Variants in PATJ observed in about 807,000 individuals in gnomAD.
PATJ encodes the protein inaD-like protein.
Under a neutral mutation model 224.9 loss-of-function variants are expected in PATJ, and 190 were observed. That is an observed-to-expected ratio of 0.84 (90% CI 0.75 to 0.95). The LOEUF is 0.95. PATJ is among the 40% of genes least tolerant of loss of function. The pLI is 0.00. For synonymous variants in PATJ, 769 were observed against 820.3 expected (o/e 0.94, Z 1.07); for missense variants, 2,121 against 2,270.3 (o/e 0.93, Z 1.34).
intron 27 of PATJ, among the ~76,000 whole-genome samples, chr1:61,941,754 C>T (rs1274982834): frequency 6.6e-6 from 1 of 152,116 alleles, no homozygotes; most frequent in African/African-American, 2.4e-5. Context: ...AATATAAAAA[C>T]TTACAGCTTT....
intron 30 of PATJ, among the ~76,000 whole-genome samples, chr1:62,041,203 T>G (rs1022720586): frequency 1.2e-4 from 18 of 152,210 alleles, no homozygotes; most frequent in African/African-American, 4.1e-4. Context: ...TGTGTTACCT[T>G]CAGGGGTTAA....
chr1:61,874,945 T>G (rs1319160494), intron 20 of PATJ, among the ~76,000 whole-genome samples: 3 of 152,258 alleles, frequency 2.0e-5, no homozygotes, highest in Non-Finnish European at 4.4e-5. Flanking sequence ...CTTGACTTGA[T>G]AGATCTTTTA....
At chr1:61,744,273 G>C (rs1644907567) in intron 1 of PATJ, among the ~76,000 whole-genome samples, 1 of 48,940 alleles carries the variant, frequency 2.0e-5, no homozygotes, top group Non-Finnish European at 3.6e-5. Flanking sequence ...GACAGAGCAA[G>C]AACCCTGTCT....
At chr1:61,846,253 T>C (rs1473936017) in intron 17 of PATJ, 1 of 152,194 alleles carries the variant, frequency 6.6e-6, no homozygotes, top group Admixed American at 6.5e-5. Flanking sequence ...GTTATTTCCA[T>C]TTACAAATGA....
At chr1:61,837,459 G>A (rs1660356027) in intron 17 of PATJ, among the ~76,000 whole-genome samples, 1 of 152,084 alleles carries the variant, frequency 6.6e-6, no homozygotes, top group African/African-American at 2.4e-5. Context: ...TGGATTATTG[G>A]CCAGAAGTTT....
chr1:61,832,434 G>A (rs1659506339), intron 16 of PATJ, among the ~76,000 whole-genome samples: 1 of 151,926 alleles, frequency 6.6e-6, no homozygotes, highest in Non-Finnish European at 1.5e-5. Context: ...ACATTAAATT[G>A]CTTCTCTTAT....
Position 61,864,339 on chromosome 1 carries a change from C to T in PATJ, c.2541C>T (p.Ser847=), listed in dbSNP as rs139134153. ...CCCAACAAAAAGAGATAGAGCAAAGCAAGGAGGCCTGGGAGATGCATGAAT... is the reference window on the plus strand; with the variant it reads ...CCCAACAAAAAGAGATAGAGCAAAGTAAGGAGGCCTGGGAGATGCATGAAT... ...FHSQQKEIEQ[S]KEAWEMHEFL... Residue 847 remains serine, a synonymous_variant, in exon 20 of 44, where the codon AGC becomes AGT. Coordinates refer to ENST00000642238, the MANE Select transcript of PATJ (RefSeq NM_001350145.3). 71 of 1,614,032 alleles carry T rather than the reference C, an allele frequency of 4.4e-5. No homozygotes were observed. The African/African-American group carries it at 8.9e-4, about 20-fold the overall frequency.
At chr1:62,022,576 G>A (rs1647148014) in intron 29 of PATJ, among the ~76,000 whole-genome samples, 1 of 152,174 alleles carries the variant, frequency 6.6e-6, no homozygotes, top group Non-Finnish European at 1.5e-5. Flanking sequence ...ATGAATTGCT[G>A]TATTTGGCAG....
At chr1:62,112,996 T>A (rs1174904663) in intron 34 of PATJ, among the ~76,000 whole-genome samples, 1 of 152,172 alleles carries the variant, frequency 6.6e-6, no homozygotes, top group African/African-American at 2.4e-5. Context: ...CTATGAATGG[T>A]GATAATAACA....
chr1:61,998,008 A>AATATAT (rs1645501649), intron 28 of PATJ, among the ~76,000 whole-genome samples: 1 of 119,510 alleles, frequency 8.4e-6, no homozygotes, highest in Admixed American at 9.6e-5. Context: ...AATATATTAT[A>AATATAT]TATATTAATT....
At chr1:62,142,114 G>A (rs11207909) in intron 41 of PATJ, among the ~76,000 whole-genome samples, 43,273 of 151,868 alleles carry the variant, frequency 0.28, 7,634 homozygotes, top group East Asian at 0.65. Context: ...CTTGGCATTT[G>A]ACGATACCTT....
rs373025057 is a variant in PATJ, at chr1:61,991,739, A to G, written c.3867+1375A>G. ...CGTAACACTGACTAGCATAATCATTACATAAATAAAGTCAAAGATGACCTT... is the reference window on the plus strand; with the variant it reads ...CGTAACACTGACTAGCATAATCATTGCATAAATAAAGTCAAAGATGACCTT... On this transcript the variant is annotated intron_variant, in intron 28 of 43. Coordinates refer to ENST00000642238, the MANE Select transcript of PATJ (RefSeq NM_001350145.3). 41 of 984,132 alleles carry G rather than the reference A, an allele frequency of 4.2e-5. No homozygotes were observed. The East Asian group carries it at 3.2e-3, about 76-fold the overall frequency. 61.0% of individuals were successfully genotyped at this position (984,132 alleles called of 1,614,324 possible). A position where few individuals can be genotyped will look rare whatever the true frequency, so the allele number is the denominator to read the frequency against.
chr1:62,138,303 C>A lies in PATJ; in HGVS notation c.5271+9358C>A, dbSNP rs111701099. On this transcript the variant is annotated intron_variant, in intron 41 of 43. Transcript: ENST00000642238. The stretch of plus-strand genomic sequence containing the variant: ...AGCACTGTGCCTAACAAGAAGGAGC[C>A]TAAGTTTTCTGTTTGTTTGTTTGAG... Among the ~76,000 whole-genome samples, 428 of 151,974 alleles carry A rather than the reference C, an allele frequency of 2.8e-3. 5 individuals are homozygous for A. The highest frequency in any genetic ancestry group is 9.8e-3 in the African/African-American group (408 of 41,480).
intron 33 of PATJ, among the ~76,000 whole-genome samples, chr1:62,085,939 A>ATATT (rs1431937720): frequency 3.3e-5 from 5 of 151,558 alleles, no homozygotes; most frequent in Non-Finnish European, 7.4e-5. Context: ...TCGGTGTAGA[A>ATATT]TATTAGTGTT....
intron 27 of PATJ, among the ~76,000 whole-genome samples, chr1:61,945,868 C>G (rs557922055): frequency 2.0e-5 from 3 of 152,340 alleles, no homozygotes; most frequent in Admixed American, 6.5e-5. Flanking sequence ...CAAACTGTCT[C>G]TCAGACCACA....
intron 27 of PATJ, among the ~76,000 whole-genome samples, chr1:61,940,721 CAA>C (rs547927537): frequency 4.0e-5 from 4 of 98,888 alleles, no homozygotes; most frequent in Non-Finnish European, 4.9e-5. Flanking sequence ...TCTCAAAAAA[CAA>C]AAAAAAAAAA....
In PATJ at chr1:62,121,253, G is replaced by A. The variant is rs778801760; in HGVS notation, c.4963G>A (p.Val1655Ile). ...TGTCATCACTGGCCTGCAAAACCTGGTTGGCACAAAAAGAGTTTCAGATCC... is the reference window on the plus strand; with the variant it reads ...TGTCATCACTGGCCTGCAAAACCTGATTGGCACAAAAAGAGTTTCAGATCC... ...APVITGLQNLVGTKRVSDPSQ... is the reference protein window; with the variant it reads ...APVITGLQNLIGTKRVSDPSQ... The change falls in exon 38 of 44, where the codon GTT becomes ATT. Residue 1655 changes from valine (V) to isoleucine (I), a missense_variant. By Grantham distance (29) the Val-to-Ile change is conservative. Coordinates refer to ENST00000642238, the MANE Select transcript of PATJ (RefSeq NM_001350145.3). 2 of 1,613,336 alleles carry A rather than the reference G, an allele frequency of 1.2e-6. No homozygotes were observed. The highest frequency in any genetic ancestry group is 2.7e-5 in the African/African-American group (2 of 74,650).
chr1:62,078,288 T>C (rs1023991179), intron 31 of PATJ, among the ~76,000 whole-genome samples: 1 of 152,162 alleles, frequency 6.6e-6, no homozygotes, highest in African/African-American at 2.4e-5. Context: ...TGTATGTATG[T>C]ATTTATTTTT....
At chr1:62,014,185 G>A (rs1447696508) in intron 28 of PATJ, among the ~76,000 whole-genome samples, 1 of 151,810 alleles carries the variant, frequency 6.6e-6, no homozygotes, top group African/African-American at 2.4e-5. Flanking sequence ...CTTCCTCTGA[G>A]TAGCTGGAAT....
Sources: gnomAD v4.1 joint callset for allele counts (sites outside exome capture counted in the v4.1 genomes callset) on GRCh38, gnomAD v4.1.1 for gene constraint, MANE v1.5 for transcripts, NCBI Gene and HGNC (gene_info 2026-07-23, HGNC 2026-07-21) for gene names.